Variants in EPS15L1 observed in about 807,000 individuals in gnomAD.
EPS15L1 encodes epidermal growth factor receptor pathway substrate 15 like 1.
In EPS15L1, 43 loss-of-function variants were observed where a neutral mutation model predicts 117.1. That is an observed-to-expected ratio of 0.37 (90% CI 0.29 to 0.47). The LOEUF (loss-of-function observed/expected upper bound fraction) is 0.47, where lower values mean the gene tolerates loss of function less well. EPS15L1 is among the 20% of genes least tolerant of loss of function. The pLI is 0.99. For synonymous variants in EPS15L1, 459 were observed against 470.5 expected, an observed-to-expected ratio of 0.98 and a Z score of 0.32; for missense variants, 981 against 1,164.0, an observed-to-expected ratio of 0.84 and a Z score of 2.29.
chr19:16,402,808 C>T (rs1177477937), intron 15 of EPS15L1, among the ~76,000 whole-genome samples: 3 of 152,112 alleles, frequency 2.0e-5, no homozygotes, highest in Non-Finnish European at 4.4e-5. Flanking sequence ...TGGTCTTGAA[C>T]TCCTGGCCTC....
chr19:16,395,555 A>T (rs1248806221), intron 16 of EPS15L1, 88 bp from the exon 17 acceptor site: 2 of 1,332,246 alleles, frequency 1.5e-6, no homozygotes, highest in African/African-American at 2.9e-5. Flanking sequence ...TCACATTTCC[A>T]CTTTGAGTAG....
rs891180948 is a variant in EPS15L1 at position 16,381,781 on chromosome 19, G to T, written c.2247+3348C>A. Among the ~76,000 whole-genome samples the T allele has an allele frequency of 6.6e-6, 1 of 152,232 alleles. No individual in the cohort carries two copies. Among genetic ancestry groups the T allele is most frequent in the Non-Finnish European group, 1.5e-5 (1 of 68,040 alleles). The stretch of plus-strand genomic sequence containing the variant: ...ATGGGGGAAAAACACTGGCCCGTCT[G>T]TGGGTGCTTCTGCGATTCATGGAAC... On this transcript the variant is annotated intron_variant, in intron 21 of 23. Transcript: ENST00000455140. The surrounding 1 kb of genome is among the most constrained non-coding windows in gnomAD (Gnocchi z 4.2).
intron 16 of EPS15L1, chr19:16,401,061 G>C: frequency 2.0e-6 from 2 of 985,348 alleles, no homozygotes; most frequent in Non-Finnish European, 2.4e-6. Flanking sequence ...CTGGCTTCTC[G>C]TAACTCATGA....
In EPS15L1 at chr19:16,386,325, T is replaced by G. The variant is rs184139470; in HGVS notation, c.2104-94A>C. 41 of 962,158 alleles carry G rather than the reference T, an allele frequency of 4.3e-5. No homozygotes were observed. The Admixed American group carries it at 8.0e-4, about 19-fold the overall frequency. The allele number at this position is 962,158 out of a possible 1,614,324, so 59.6% of individuals were successfully genotyped here. ...ACCTTCCTGACGTCGATGTACAACATCCAGTGCTGAGCCAGAGGGAAAGTG... is the reference window on the plus strand; with the variant it reads ...ACCTTCCTGACGTCGATGTACAACAGCCAGTGCTGAGCCAGAGGGAAAGTG... On this transcript the variant is annotated intron_variant, in intron 19 of 23. Transcript: ENST00000455140.
Position 16,402,451 on chromosome 19 carries a change from C to A in EPS15L1, c.1661G>T (p.Arg554Leu). The stretch of plus-strand genomic sequence containing the variant: ...CTCCAGGCTCCTGTGGGCCTCCTGG[C>A]GGCTTTCATGCAGCTGGGAAAGTTT... ...RSKLSQLHES[R>L]QEAHRSLEQY... The change falls in exon 16 of 24, where the codon CGC (arginine) becomes CTC (leucine). Residue 554 changes from arginine (R) to leucine (L), a missense_variant. Physicochemically the swap from Arg to Leu is moderately radical, Grantham distance 102. Transcript: ENST00000455140. The A allele has an allele frequency of 6.2e-6, 10 of 1,610,532 alleles. No individual in the cohort carries two copies. The highest frequency in any genetic ancestry group is 4.4e-5 in the South Asian group (4 of 90,628).
At chr19:16,447,120 G>A (rs1036743844) in intron 1 of EPS15L1, among the ~76,000 whole-genome samples, 2 of 152,168 alleles carry the variant, frequency 1.3e-5, no homozygotes, top group East Asian at 1.9e-4. Flanking sequence ...CCAGCAGGCC[G>A]GCCCACATTC....
chr19:16,447,154 G>T (rs1186279141), intron 1 of EPS15L1, among the ~76,000 whole-genome samples: 1 of 152,164 alleles, frequency 6.6e-6, no homozygotes, highest in Non-Finnish European at 1.5e-5. Flanking sequence ...ACCTGGCTCA[G>T]TCATGTGGCA....
At chr19:16,384,917 G>A (rs1339693820) in intron 21 of EPS15L1, among the ~76,000 whole-genome samples, 4 of 152,190 alleles carry the variant, frequency 2.6e-5, no homozygotes, top group Non-Finnish European at 5.9e-5. Flanking sequence ...GGAGCCCAGG[G>A]CACCTATGCC....
intron 7 of EPS15L1, among the ~76,000 whole-genome samples, chr19:16,433,302 AT>A (rs558476301): frequency 3.4e-5 from 5 of 147,920 alleles, no homozygotes; most frequent in African/African-American, 5.0e-5. Flanking sequence ...TAATTTTTGT[AT>A]TTTTTTTTAG....
rs2093349003 is a variant in EPS15L1, at chr19:16,471,853, C to T, written c.33+60G>A. 2.8e-6 allele frequency: 3 copies of T among 1,087,748 alleles called. No homozygotes were observed. The highest frequency in any genetic ancestry group is 7.2e-5 in the Admixed American group (2 of 27,786). The allele number at this position is 1,087,748 out of a possible 1,614,324, so 67.4% of individuals were successfully genotyped here. ...GAGTCTCCCAGCGCCTCAGCCTCGC[C>T]GCACCGCTCGCCTCGCGCCCCGCAC... On this transcript the variant is annotated intron_variant, in intron 1 of 23. Coordinates refer to ENST00000455140, the MANE Select transcript of EPS15L1 (RefSeq NM_001258374.3). The surrounding 1 kb of genome is among the most constrained non-coding windows in gnomAD (Gnocchi z 4.8).
At chr19:16,393,799 C>A in intron 18 of EPS15L1, 152 bp downstream of exon 18, 1 of 769,878 alleles carries the variant, frequency 1.3e-6, no homozygotes, top group Admixed American at 2.1e-5. Flanking sequence ...GGGAACGGGA[C>A]CGAGAATGGG....
intron 1 of EPS15L1, among the ~76,000 whole-genome samples, chr19:16,448,435 C>T (rs1040417302): frequency 1.3e-5 from 2 of 151,238 alleles, no homozygotes; most frequent in Non-Finnish European, 2.9e-5. Context: ...GAGGCTGAGG[C>T]AGGAGAATCG....
chr19:16,364,068 G>C (rs2144641616), intron 22 of EPS15L1, among the ~76,000 whole-genome samples: 1 of 152,328 alleles, frequency 6.6e-6, no homozygotes, highest in East Asian at 1.9e-4. Context: ...TTGTCTGTGT[G>C]AGTCCATCTA....
chr19:16,392,585 A>C, intron 18 of EPS15L1, 145 bp from the exon 19 acceptor site: 1 of 786,060 alleles, frequency 1.3e-6, no homozygotes, highest in Admixed American at 2.7e-5. Context: ...AATGGTGGCC[A>C]GGGGACCCTG....
intron 12 of EPS15L1, 70 bp from the exon 13 acceptor site, chr19:16,413,915 T>A (rs2092731946): frequency 1.7e-6 from 2 of 1,184,010 alleles, no homozygotes; most frequent in Non-Finnish European, 2.5e-6. Flanking sequence ...CAAGGCCTGA[T>A]TCTGTTCACC....
chr19:16,369,977 A>G (rs1653069569), intron 22 of EPS15L1, among the ~76,000 whole-genome samples: 2 of 152,134 alleles, frequency 1.3e-5, no homozygotes, highest in Non-Finnish European at 2.9e-5. Context: ...GTTCCTCCCT[A>G]CGGAGTGTGC....
At chr19:16,462,619 G>T (rs978359296) in intron 1 of EPS15L1, among the ~76,000 whole-genome samples, 12 of 152,178 alleles carry the variant, frequency 7.9e-5, no homozygotes, top group Non-Finnish European at 1.6e-4. Flanking sequence ...AGTGAGCCAA[G>T]ATCATGCCAT....
At chr19:16,452,627 T>C (rs1163779403) in intron 1 of EPS15L1, among the ~76,000 whole-genome samples, 1 of 123,724 alleles carries the variant, frequency 8.1e-6, no homozygotes, top group Non-Finnish European at 1.6e-5. Context: ...TAGCAAAATG[T>C]CATCTGAAAA....
intron 1 of EPS15L1, among the ~76,000 whole-genome samples, chr19:16,452,780 C>T (rs571784445): frequency 1.3e-5 from 2 of 152,066 alleles, no homozygotes; most frequent in African/African-American, 2.4e-5. Flanking sequence ...CTTCCCTCTA[C>T]ATCTATTTTA....
Sources: allele counts gnomAD v4.1 joint callset (sites outside exome capture counted in the v4.1 genomes callset), GRCh38; gene constraint gnomAD v4.1.1; non-coding constraint Gnocchi (gnomAD v3.1); transcripts MANE v1.5; gene names NCBI Gene and HGNC (gene_info 2026-07-23, HGNC 2026-07-21).